LONP2: variants seen among roughly 807,000 people sequenced by gnomAD.
LONP2 encodes lon peptidase 2, peroxisomal.
Under a neutral mutation model 85.6 loss-of-function variants are expected in LONP2, and 60 were observed. That is an observed-to-expected ratio of 0.70 (90% CI 0.57 to 0.87). The LOEUF is 0.87. Ranked by LOEUF, LONP2 falls within the 40% of genes least tolerant of loss-of-function variation. LONP2 has a pLI of 0.00. For missense variants in LONP2, 860 were observed against 1,063.5 expected (o/e 0.81, Z 2.66); for synonymous variants, 395 against 389.7 (o/e 1.01, Z -0.16).
intron 8 of LONP2, among the ~76,000 whole-genome samples, chr16:48,282,702 C>T (rs546070603): frequency 6.6e-6 from 1 of 152,092 alleles, no homozygotes; most frequent in African/African-American, 2.4e-5. Flanking sequence ...CCAGGCATTC[C>T]CCTTTCTCTC....
At chr16:48,246,111 C>T (rs1415893115) in intron 1 of LONP2, among the ~76,000 whole-genome samples, 2 of 151,930 alleles carry the variant, frequency 1.3e-5, no homozygotes, top group South Asian at 2.1e-4. Flanking sequence ...TGGTACCTCC[C>T]CCCACCCCCG....
At chr16:48,271,148 G>A (rs868356936) in intron 7 of LONP2, among the ~76,000 whole-genome samples, 13 of 152,044 alleles carry the variant, frequency 8.6e-5, no homozygotes, top group African/African-American at 2.7e-4. Context: ...CCCACTGCAC[G>A]CCAGCCTGGA....
At chr16:48,358,987 C>T (rs1960475631), downstream of LONP2, among the ~76,000 whole-genome samples, 1 of 152,070 alleles carries the variant, frequency 6.6e-6, no homozygotes, top group African/African-American at 2.4e-5. Flanking sequence ...CGAATATACC[C>T]AATATGTTTT....
intron 14 of LONP2, among the ~76,000 whole-genome samples, chr16:48,348,556 G>A (rs1195788079): frequency 1.4e-5 from 2 of 140,586 alleles, no homozygotes; most frequent in Non-Finnish European, 3.0e-5. Flanking sequence ...GTGCAGTGGT[G>A]TGACTGTAGC....
chr16:48,263,169 TATC>T (rs1240034985), intron 6 of LONP2, among the ~76,000 whole-genome samples: 2 of 152,182 alleles, frequency 1.3e-5, no homozygotes, highest in East Asian at 1.9e-4. Context: ...TGATTATTAT[TATC>T]ATCATTATTA....
intron 8 of LONP2, among the ~76,000 whole-genome samples, chr16:48,292,769 C>T (rs1330693817): frequency 6.6e-6 from 1 of 152,222 alleles, no homozygotes. Context: ...TTCTGCATGT[C>T]GCTTTCCTTT....
intron 1 of LONP2, among the ~76,000 whole-genome samples, chr16:48,247,031 A>G (rs1971424963): frequency 6.6e-6 from 1 of 152,312 alleles, no homozygotes; most frequent in Non-Finnish European, 1.5e-5. Flanking sequence ...AATCATTTAA[A>G]TTAGAAAACA....
chr16:48,285,801 A>G (rs1972427493), intron 8 of LONP2, among the ~76,000 whole-genome samples: 1 of 152,190 alleles, frequency 6.6e-6, no homozygotes, highest in Non-Finnish European at 1.5e-5. Flanking sequence ...TAGTAAATAT[A>G]ACAGAAAAAG....
chr16:48,328,504 C>T (rs113421297), intron 11 of LONP2, among the ~76,000 whole-genome samples: 1,848 of 151,956 alleles, frequency 0.012, 38 homozygotes, highest in African/African-American at 0.042. Context: ...ATGGTGAAAC[C>T]CCGTCTCTAC....
chr16:48,265,825 A>G (rs1432452747), intron 6 of LONP2, among the ~76,000 whole-genome samples: 1 of 152,168 alleles, frequency 6.6e-6, no homozygotes, highest in Non-Finnish European at 1.5e-5. Context: ...AGACATTTTA[A>G]CAACATTCTT....
At chr16:48,274,223 C>A (rs1972159631) in intron 7 of LONP2, among the ~76,000 whole-genome samples, 1 of 152,114 alleles carries the variant, frequency 6.6e-6, no homozygotes, top group Non-Finnish European at 1.5e-5. Flanking sequence ...AACTGACCAC[C>A]TATTGTGCTC....
At chr16:48,361,912 G>A, downstream of LONP2, 1 of 1,614,134 alleles carries the variant, frequency 6.2e-7, no homozygotes, top group East Asian at 2.2e-5. Context: ...ACAGCACCAG[G>A]AAGATTAATG....
rs1172350437 is a variant in LONP2, at chr16:48,355,787, A to G, written c.*3985A>G. 6.6e-6 allele frequency: 1 copy of G among 152,200 alleles called. No homozygotes were observed. The highest frequency in any genetic ancestry group is 1.5e-5 in the Non-Finnish European group (1 of 68,024). 9.4% of individuals were successfully genotyped at this position (152,200 alleles called of 1,614,324 possible). A position where few individuals can be genotyped will look rare whatever the true frequency, so the allele number is the denominator to read the frequency against. ...AGCATTGATTTTTAAGATGTTACCC[A>G]AAGACCCCTTGTATCAAAATAAGCT... On this transcript the variant is annotated 3_prime_UTR_variant, in exon 15 of 15. Transcript: ENST00000285737.
intron 8 of LONP2, among the ~76,000 whole-genome samples, chr16:48,290,789 T>C (rs936067258): frequency 3.9e-5 from 6 of 152,162 alleles, no homozygotes; most frequent in African/African-American, 1.4e-4. Context: ...ATAGGCCTGA[T>C]TGATTAAATC....
chr16:48,341,174 C>T (rs1959796518), intron 12 of LONP2, among the ~76,000 whole-genome samples: 1 of 152,132 alleles, frequency 6.6e-6, no homozygotes, highest in African/African-American at 2.4e-5. Flanking sequence ...GTGGCGCACA[C>T]CTGTAGTCTC....
intron 12 of LONP2, among the ~76,000 whole-genome samples, chr16:48,341,618 G>T (rs1347269025): frequency 6.6e-6 from 1 of 152,126 alleles, no homozygotes; most frequent in Non-Finnish European, 1.5e-5. Flanking sequence ...CATGAGATTT[G>T]GTGGAGACAC....
At chr16:48,304,297 C>T (rs1972867013) in intron 11 of LONP2, among the ~76,000 whole-genome samples, 1 of 152,148 alleles carries the variant, frequency 6.6e-6, no homozygotes, top group South Asian at 2.1e-4. Context: ...CACACATTTT[C>T]TTTTATGGAT....
At chr16:48,245,658 T>C (rs1014964138) in intron 1 of LONP2, among the ~76,000 whole-genome samples, 1 of 152,230 alleles carries the variant, frequency 6.6e-6, no homozygotes, top group African/African-American at 2.4e-5. Context: ...AAGTGTACAA[T>C]ACACGCCAGA....
chr16:48,320,512 A>C (rs547215486), intron 11 of LONP2, among the ~76,000 whole-genome samples: 1 of 152,064 alleles, frequency 6.6e-6, no homozygotes. Context: ...GGATTTTACA[A>C]ATAAGCCAAG....
Sources: gnomAD v4.1 joint callset for allele counts (sites outside exome capture counted in the v4.1 genomes callset) on GRCh38, gnomAD v4.1.1 for gene constraint, MANE v1.5 for transcripts, NCBI Gene and HGNC (gene_info 2026-07-23, HGNC 2026-07-21) for gene names.